Variants in ZNF846 observed in about 807,000 individuals in gnomAD.
The protein encoded by ZNF846 is zinc finger protein 420 pseudogene.
Under a neutral mutation model 16.0 loss-of-function variants are expected in ZNF846, and 15 were observed. That is an observed-to-expected ratio of 0.94 (90% CI 0.63 to 1.45). ZNF846 has a LOEUF of 1.45. ZNF846 is among the 40% of genes most tolerant of loss of function. The pLI, the probability that ZNF846 is intolerant of heterozygous loss-of-function variation, is 0.00. For synonymous variants in ZNF846, 229 were observed against 212.0 expected (o/e 1.08, Z -0.70); for missense variants, 714 against 622.3 (o/e 1.15, Z -1.57).
At chr19:9,757,789 C>T (rs1164963395) in exon 6 of ZNF846, 2 of 1,613,526 alleles carry the variant, frequency 1.2e-6, no homozygotes, top group South Asian at 1.1e-5. Flanking sequence ...TGAGTGAAAG[C>T]TTTCCCACAT....
At chr19:9,758,714 T>G in exon 6 of ZNF846, 2 of 1,606,298 alleles carry the variant, frequency 1.2e-6, no homozygotes, top group Non-Finnish European at 1.7e-6. Flanking sequence ...CATTGAAGAC[T>G]TTTCCAGAAT....
intron 1 of ZNF846, among the ~76,000 whole-genome samples, chr19:9,784,143 C>CACAGAG (rs113171735): frequency 0.17 from 25,163 of 151,934 alleles, 3,825 homozygotes; most frequent in African/African-American, 0.4. Context: ...GGAAATAAGA[C>CACAGAG]ACAAAGTATA....
intron 1 of ZNF846, among the ~76,000 whole-genome samples, chr19:9,765,515 A>T (rs2045301264): frequency 6.6e-6 from 1 of 152,134 alleles, no homozygotes. Flanking sequence ...TACTAAAGCT[A>T]CAAAAAAATT....
chr19:9,784,076 C>T (rs2045533438), intron 1 of ZNF846, among the ~76,000 whole-genome samples: 1 of 152,038 alleles, frequency 6.6e-6, no homozygotes, highest in Non-Finnish European at 1.5e-5. Flanking sequence ...TGAAGGGGGC[C>T]TGCCCCTCCA....
At chr19:9,778,105 C>G (rs1283154264) in intron 1 of ZNF846, among the ~76,000 whole-genome samples, 1 of 151,944 alleles carries the variant, frequency 6.6e-6, no homozygotes, top group Non-Finnish European at 1.5e-5. Context: ...TGGAAGAGAC[C>G]TAATGGTATA....
intron 1 of ZNF846, among the ~76,000 whole-genome samples, chr19:9,777,707 G>T (rs12162254): frequency 6.6e-6 from 1 of 151,562 alleles, no homozygotes; most frequent in African/African-American, 2.4e-5. Flanking sequence ...GGAAAAACTT[G>T]AGTTTGGGGC....
At chr19:9,775,081 C>A in intron 1 of ZNF846, 1 of 828,284 alleles carries the variant, frequency 1.2e-6, no homozygotes, top group Non-Finnish European at 1.9e-6. Context: ...TCACTTGTGG[C>A]AGTTACTAAC....
downstream of ZNF846, among the ~76,000 whole-genome samples, chr19:9,749,218 C>A (rs2045065911): frequency 6.6e-6 from 1 of 152,158 alleles, no homozygotes; most frequent in Admixed American, 6.5e-5. Context: ...CCTAACACAT[C>A]CCTTCATTCT....
Position 9,775,213 on chromosome 19 carries a change from G to GTA in ZNF846, c.-85-10180_-85-10179dup, listed in dbSNP as rs1007241009. ...TATATATGTGTGTGTGTGTGTGTGT[G>GTA]TATATATATATAACAATCCCAATAA... On this transcript the variant is annotated intron_variant, in intron 1 of 4. Transcript: ENST00000586814. 1.8e-3 allele frequency among the ~76,000 whole-genome samples: 274 copies of GTA among 150,566 alleles called. 2 individuals carry two copies. The highest frequency in any genetic ancestry group is 6.0e-3 in the African/African-American group (243 of 40,688).
intron 2 of ZNF846, 139 bp from the exon 3 acceptor site, chr19:9,763,547 T>G: frequency 1.6e-6 from 1 of 636,966 alleles, no homozygotes; most frequent in Non-Finnish European, 2.5e-6. Context: ...ATATAGATAT[T>G]GTCTTGCAAT....
At chr19:9,773,078 A>G (rs1177070306), upstream of ZNF846, among the ~76,000 whole-genome samples, 3 of 152,180 alleles carry the variant, frequency 2.0e-5, no homozygotes, top group East Asian at 1.9e-4. Context: ...GAAAAGAAAA[A>G]AAATCCATTA....
downstream of ZNF846, chr19:9,756,380 T>C (rs1344435710): frequency 8.0e-6 from 1 of 124,422 alleles, no homozygotes; most frequent in Admixed American, 8.4e-5. Flanking sequence ...TATATATATA[T>C]ATATAAAGAC....
exon 6 of ZNF846, chr19:9,757,947 C>A (rs190923364): frequency 6.2e-7 from 1 of 1,613,382 alleles, no homozygotes; most frequent in Non-Finnish European, 8.5e-7. Context: ...TCCTGAGGAA[C>A]GAGTAAAAGC....
At chr19:9,783,540 AAAAAATATAT>A (rs2045526126) in intron 1 of ZNF846, among the ~76,000 whole-genome samples, 1 of 120,568 alleles carries the variant, frequency 8.3e-6, no homozygotes, top group African/African-American at 3.9e-5. Context: ...AAAAAAAAAA[AAAAAATATAT>A]ATATATATAT....
rs777543294 is a variant in ZNF846, at chr19:9,763,368, T to G, written c.56A>C (p.Gln19Pro). 1.2e-6 allele frequency: 2 copies of G among 1,611,710 alleles called. No homozygotes were observed. Among genetic ancestry groups the G allele is most frequent in the East Asian group, 2.2e-5 (1 of 44,746 alleles). Residue 19 changes from glutamine (Q) to proline (P), a missense_variant, in exon 3 of 6, where the codon CAG becomes CCG. Physicochemically the swap from Gln to Pro is moderately conservative, Grantham distance 76. Transcript: ENST00000397902. ...TTGATCCAACAAAGTCCACTCCTCC[T>G]GGGTAAAGTCCACAGCCACATCCTC...
chr19:9,749,824 C>T (rs1475817939), downstream of ZNF846, among the ~76,000 whole-genome samples: 1 of 152,154 alleles, frequency 6.6e-6, no homozygotes, highest in Non-Finnish European at 1.5e-5. Context: ...TCTTTACCCA[C>T]CTGAGGAACT....
At position 9,776,763 on chromosome 19, in the gene ZNF846, T is replaced by A. The variant is rs2045448347; in HGVS notation, c.-86+9175A>T. ...AAGCCCACCGACCCTGTGGGGCTGGTCCCTGCAGTCCCTCATAGCATGAGA... is the reference window on the plus strand; with the variant it reads ...AAGCCCACCGACCCTGTGGGGCTGGACCCTGCAGTCCCTCATAGCATGAGA... On this transcript the variant is annotated intron_variant, in intron 1 of 4. Coordinates refer to the ZNF846 transcript ENST00000586814. 2.0e-5 allele frequency among the ~76,000 whole-genome samples: 3 copies of A among 152,228 alleles called. 1 individual carries two copies. In the South Asian group the frequency reaches 6.2e-4, roughly 32 times the overall value.
rs775218369 is a variant in ZNF846, at chr19:9,758,191, A to ATC, written c.885_886insGA (p.Tyr296AspfsTer63). The ATC allele has an allele frequency of 1.2e-6, 2 of 1,612,984 alleles. No individual in the cohort carries two copies. The highest frequency in any genetic ancestry group is 1.7e-6 in the Non-Finnish European group (2 of 1,179,966). On this transcript the variant is annotated frameshift_variant, in exon 6 of 6. Coordinates refer to ENST00000397902, the Ensembl canonical transcript of ZNF846. LOFTEE classifies it low-confidence loss of function (END_TRUNC). Reference sequence around the variant, plus strand: ...TGGATTCTTGTATGATCAGTAAGGTATGAAGAATGGGTGAAGGCTTTCCCA... The same window carrying ATC: ...TGGATTCTTGTATGATCAGTAAGGTATCTGAAGAATGGGTGAAGGCTTTCCCA...
chr19:9,763,382 A>T, exon 3 of ZNF846: 3 of 1,611,272 alleles, frequency 1.9e-6, no homozygotes, highest in Non-Finnish European at 2.5e-6. Flanking sequence ...TAAAGTCCAC[A>T]GCCACATCCT....
Sources: gnomAD v4.1 joint callset for allele counts (sites outside exome capture counted in the v4.1 genomes callset) on GRCh38, gnomAD v4.1.1 for gene constraint, MANE v1.5 for transcripts, NCBI Gene and HGNC (gene_info 2026-07-23, HGNC 2026-07-21) for gene names.